Variants in CASQ2 observed in about 807,000 individuals in gnomAD.
The protein encoded by CASQ2 is calsequestrin 2.
Under a neutral mutation model 46.5 loss-of-function variants are expected in CASQ2, and 49 were observed. The observed-to-expected ratio is 1.05, with a 90% CI of 0.84 to 1.34. The LOEUF (loss-of-function observed/expected upper bound fraction) is 1.34, where lower values mean the gene tolerates loss of function less well. Ranked by LOEUF, CASQ2 falls within the 40% of genes most tolerant of loss-of-function variation. The pLI, the probability that CASQ2 is intolerant of heterozygous loss-of-function variation, is 0.00. For missense variants in CASQ2, 486 were observed against 481.3 expected, an observed-to-expected ratio of 1.01 and a Z score of -0.09; for synonymous variants, 174 against 168.5, an observed-to-expected ratio of 1.03 and a Z score of -0.25.
intron 1 of CASQ2, among the ~76,000 whole-genome samples, chr1:115,761,467 A>AAGAAGAAGAAGAAGAAGG (rs1557806751): frequency 6.7e-5 from 1 of 14,848 alleles, no homozygotes; most frequent in Non-Finnish European, 1.6e-4. Flanking sequence ...GAAGAAGGAG[A>AAGAAGAAGAAGAAGAAGG]AGAAGAAGAA....
intron 9 of CASQ2, 66 bp downstream of exon 9, chr1:115,705,126 G>T (rs2101055836): frequency 2.9e-6 from 3 of 1,026,676 alleles, no homozygotes; most frequent in Non-Finnish European, 4.7e-6. Context: ...CACCTCCTCA[G>T]ATGCTGAACG....
At position 115,701,399 on chromosome 1, in the gene CASQ2, C is replaced by A; in HGVS notation, c.1042G>T (p.Asp348Tyr). The change falls in exon 11 of 11, where the codon GAT (aspartate) becomes TAT (tyrosine). Residue 348 changes from aspartate (D) to tyrosine (Y), a missense_variant. Coordinates refer to ENST00000261448, the MANE Select transcript of CASQ2 (RefSeq NM_001232.4). Reference sequence around the variant, plus strand: ...TCAGCAGTTGGAAGATCGTCATCATCTGGAATCTCCATCCAGACACTGTCA... The same window carrying A: ...TCAGCAGTTGGAAGATCGTCATCATATGGAATCTCCATCCAGACACTGTCA... ...DADSVWMEIP[D>Y]DDDLPTAEEL... 1 of 1,613,804 alleles carries A rather than the reference C, an allele frequency of 6.2e-7. No individual in the cohort carries two copies. The highest frequency in any genetic ancestry group is 8.5e-7 in the Non-Finnish European group (1 of 1,179,716).
chr1:115,724,082 T>C (rs1464424508), intron 7 of CASQ2, among the ~76,000 whole-genome samples: 1 of 152,200 alleles, frequency 6.6e-6, no homozygotes, highest in African/African-American at 2.4e-5. Flanking sequence ...ACTTCCGTGT[T>C]AATTCCTTTC....
At chr1:115,732,853 T>C in intron 5 of CASQ2, 48 bp downstream of exon 5, 3 of 1,328,916 alleles carry the variant, frequency 2.3e-6, no homozygotes, top group Non-Finnish European at 3.3e-6. Flanking sequence ...AAACTTTAAT[T>C]CTTCATGCCT....
intron 7 of CASQ2, among the ~76,000 whole-genome samples, chr1:115,723,678 C>A (rs919515271): frequency 2.0e-5 from 3 of 151,968 alleles, no homozygotes; most frequent in African/African-American, 7.3e-5. Flanking sequence ...GGTGGGACTA[C>A]AGGCGCCTGC....
intron 1 of CASQ2, among the ~76,000 whole-genome samples, chr1:115,759,863 C>T (rs1011947172): frequency 3.3e-5 from 5 of 152,144 alleles, no homozygotes; most frequent in African/African-American, 1.2e-4. Context: ...ACCAAATAGA[C>T]GCATGTCTTC....
At chr1:115,735,749 A>G (rs1203355591) in intron 4 of CASQ2, among the ~76,000 whole-genome samples, 2 of 152,218 alleles carry the variant, frequency 1.3e-5, no homozygotes, top group Non-Finnish European at 2.9e-5. Flanking sequence ...TGAACATTAC[A>G]TTTGTCAATG....
intron 1 of CASQ2, among the ~76,000 whole-genome samples, chr1:115,753,388 G>A (rs984126782): frequency 5.9e-5 from 9 of 152,102 alleles, no homozygotes; most frequent in South Asian, 2.1e-4. Context: ...ACAAAGGAGC[G>A]GGTGGTCATA....
chr1:115,761,521 A>G lies in CASQ2; in HGVS notation c.234+6787T>C, dbSNP rs944471162. 3.7e-5 allele frequency among the ~76,000 whole-genome samples: 4 copies of G among 106,668 alleles called. 1 individual carries two copies. The highest frequency in any genetic ancestry group is 1.4e-4 in the African/African-American group (4 of 29,260). The allele number at this position is 106,668 out of a possible 152,430, so 70.0% of individuals were successfully genotyped here. ...GGAGAAGAAGAAGAAGAAGAAGAAGAAGAAGAAGAGTTCATAAAGTGCACA... is the reference window on the plus strand; with the variant it reads ...GGAGAAGAAGAAGAAGAAGAAGAAGGAGAAGAAGAGTTCATAAAGTGCACA... On this transcript the variant is annotated intron_variant, in intron 1 of 10. Transcript: ENST00000261448.
At chr1:115,749,725 G>A (rs2101107155) in intron 1 of CASQ2, among the ~76,000 whole-genome samples, 1 of 152,310 alleles carries the variant, frequency 6.6e-6, no homozygotes, top group Middle Eastern at 3.4e-3. Context: ...TGGGCCAGTG[G>A]GGCAGGCAGG....
chr1:115,737,123 A>G (rs1647990447), intron 4 of CASQ2, among the ~76,000 whole-genome samples: 1 of 152,216 alleles, frequency 6.6e-6, no homozygotes, highest in Non-Finnish European at 1.5e-5. Context: ...GAAGCACCCC[A>G]GAGTAGTCAG....
At chr1:115,710,992 A>T (rs935835292) in intron 8 of CASQ2, among the ~76,000 whole-genome samples, 1 of 152,224 alleles carries the variant, frequency 6.6e-6, no homozygotes, top group Non-Finnish European at 1.5e-5. Flanking sequence ...GGCCAGGCAC[A>T]GCCAAGTCAG....
At chr1:115,753,773 G>A (rs1215299728) in intron 1 of CASQ2, among the ~76,000 whole-genome samples, 7 of 152,038 alleles carry the variant, frequency 4.6e-5, no homozygotes, top group Non-Finnish European at 1.0e-4. Context: ...AGAGGAGAAA[G>A]ACTAATTTAC....
At chr1:115,745,907 A>G (rs1295295601) in intron 1 of CASQ2, among the ~76,000 whole-genome samples, 2 of 152,218 alleles carry the variant, frequency 1.3e-5, no homozygotes, top group Admixed American at 6.5e-5. Context: ...ACATTGATAC[A>G]GTTAAGATAC....
chr1:115,726,890 A>G (rs180818439), intron 6 of CASQ2, 102 bp downstream of exon 6: 301 of 873,936 alleles, frequency 3.4e-4, no homozygotes, highest in Middle Eastern at 1.3e-3. Context: ...TGGGGTACTA[A>G]CTAGGTTGTT....
At chr1:115,717,527 A>G (rs568573083) in intron 8 of CASQ2, among the ~76,000 whole-genome samples, 2 of 152,242 alleles carry the variant, frequency 1.3e-5, no homozygotes, top group Admixed American at 1.3e-4. Flanking sequence ...CCTCTTACCC[A>G]TTTGGCAGCC....
intron 8 of CASQ2, among the ~76,000 whole-genome samples, chr1:115,710,805 G>C (rs1422991351): frequency 6.6e-6 from 1 of 152,228 alleles, no homozygotes; most frequent in East Asian, 1.9e-4. Context: ...GGAGTCCTGA[G>C]AGACCATGAC....
At chr1:115,729,250 A>T (rs1022501415) in intron 5 of CASQ2, among the ~76,000 whole-genome samples, 2 of 151,830 alleles carry the variant, frequency 1.3e-5, no homozygotes, top group Admixed American at 6.6e-5. Context: ...GGGTTTCGCC[A>T]TGTTGGCCAG....
intron 8 of CASQ2, among the ~76,000 whole-genome samples, chr1:115,712,948 AC>A (rs1314604202): frequency 6.6e-6 from 1 of 152,186 alleles, no homozygotes; most frequent in Non-Finnish European, 1.5e-5. Flanking sequence ...TAGTGGTCCT[AC>A]TTGAGACAAT....
Sources: allele counts gnomAD v4.1 joint callset (sites outside exome capture counted in the v4.1 genomes callset), GRCh38; gene constraint gnomAD v4.1.1; transcripts MANE v1.5; gene names NCBI Gene and HGNC (gene_info 2026-07-23, HGNC 2026-07-21).